The following IRAK2 variants were observed in gnomAD, a reference collection of about 807,000 sequenced individuals.
IRAK2 encodes interleukin 1 receptor associated kinase 2.
IRAK2 carries 57 observed loss-of-function variants against 72.0 expected under a neutral mutation model. The ratio of observed to expected loss-of-function variants is 0.79; its 90% confidence interval spans 0.64 to 0.99. The LOEUF is 0.99. Ranked by LOEUF, IRAK2 falls within the 50% of genes least tolerant of loss-of-function variation. The pLI is 0.00. For synonymous variants in IRAK2, 293 were observed against 312.7 expected (o/e 0.94, Z 0.67); for missense variants, 790 against 794.4 (o/e 0.99, Z 0.07).
chr3:10,238,743 C>T lies in IRAK2; in HGVS notation c.1474-5C>T. The T allele has an allele frequency of 3.7e-6, 6 of 1,613,370 alleles. No homozygotes were observed. The highest frequency in any genetic ancestry group is 4.2e-6 in the Non-Finnish European group (5 of 1,179,532). ...ATGAGCTCCCTTCTCTCTCTTCTCC[C>T]AAAGGTGTGTGGCTCTGTGGCTGCT... On this transcript the variant is annotated splice_polypyrimidine_tract_variant and splice_region_variant and intron_variant, in intron 11 of 12. Coordinates refer to ENST00000256458, the MANE Select transcript of IRAK2 (RefSeq NM_001570.4).
intron 9 of IRAK2, among the ~76,000 whole-genome samples, chr3:10,225,775 T>A (rs995276338): frequency 1.3e-5 from 2 of 151,600 alleles, no homozygotes; most frequent in African/African-American, 4.8e-5. Flanking sequence ...CTCAGTTCAC[T>A]GCAAGATCCA....
intron 1 of IRAK2, among the ~76,000 whole-genome samples, chr3:10,165,896 A>G (rs113108570): frequency 0.039 from 5,918 of 152,032 alleles, 400 homozygotes; most frequent in African/African-American, 0.13. Flanking sequence ...ACGCCCGGCT[A>G]ACTTTGTATT....
intron 11 of IRAK2, among the ~76,000 whole-genome samples, chr3:10,238,502 C>T (rs912340786): frequency 6.6e-6 from 1 of 152,112 alleles, no homozygotes; most frequent in African/African-American, 2.4e-5. Flanking sequence ...TAGACTAATC[C>T]CTATGGTCAG....
chr3:10,219,306 C>T (rs969553109), intron 7 of IRAK2, among the ~76,000 whole-genome samples: 1 of 144,296 alleles, frequency 6.9e-6, no homozygotes, highest in African/African-American at 2.7e-5. Context: ...ATCAGGACTT[C>T]GTTTTTTTGT....
intron 2 of IRAK2, 21 bp downstream of exon 2, chr3:10,178,041 CT>C: frequency 1.3e-6 from 2 of 1,581,334 alleles, no homozygotes; most frequent in South Asian, 2.3e-5. Flanking sequence ...CAGGGCCCTC[CT>C]TGAGTGGGGC....
intron 4 of IRAK2, among the ~76,000 whole-genome samples, chr3:10,212,833 C>T (rs1335602192): frequency 1.3e-4 from 19 of 146,002 alleles, no homozygotes; most frequent in Admixed American, 4.9e-4. Flanking sequence ...GGCGCGATCT[C>T]GGCTCACTGC....
At chr3:10,188,803 G>A (rs531625800) in intron 2 of IRAK2, among the ~76,000 whole-genome samples, 1 of 152,330 alleles carries the variant, frequency 6.6e-6, no homozygotes, top group South Asian at 2.1e-4. Context: ...TGGGATTACG[G>A]GTGTGAACCA....
At position 10,226,444 on chromosome 3, in the gene IRAK2, T is replaced by G; in HGVS notation, c.1272+11T>G. On this transcript the variant is annotated intron_variant, in intron 10 of 12. Transcript: ENST00000256458. ...AGCCCGGTTTACCTGGTAAGGGAAC[T>G]TGTCACATCTGGCTGGGAGGTATAT... 6.2e-7 allele frequency: 1 copy of G among 1,611,020 alleles called. No homozygotes were observed. Among genetic ancestry groups the G allele is most frequent in the Non-Finnish European group, 8.5e-7 (1 of 1,178,178 alleles).
rs200556383 is a variant in IRAK2 at position 10,213,217 on chromosome 3, C to T, written c.539C>T (p.Thr180Ile). 14 of 1,614,050 alleles carry T rather than the reference C, an allele frequency of 8.7e-6. No homozygotes were observed. The highest frequency in any genetic ancestry group is 1.7e-5 in the Admixed American group (1 of 60,010). Reference protein sequence around the residue: ...PTSSDSKDFSTSIPKQEKLLS... With the variant: ...PTSSDSKDFSISIPKQEKLLS... ...TCTCTGGGTCTCCAGGACTTCAGCACCTCCATTCCTAAGCAGGAAAAACTT... is the reference window on the plus strand; with the variant it reads ...TCTCTGGGTCTCCAGGACTTCAGCATCTCCATTCCTAAGCAGGAAAAACTT... Residue 180 changes from threonine (T) to isoleucine (I), a missense_variant, in exon 5 of 13, where the codon ACC (threonine) becomes ATC (isoleucine). Physicochemically the swap from Thr to Ile is moderately conservative, Grantham distance 89. Coordinates refer to ENST00000256458, the MANE Select transcript of IRAK2 (RefSeq NM_001570.4).
chr3:10,223,501 A>C (rs140682842), intron 9 of IRAK2, among the ~76,000 whole-genome samples: 92 of 152,358 alleles, frequency 6.0e-4, no homozygotes, highest in South Asian at 2.9e-3. Context: ...GACCTCTAGG[A>C]TTGATGTGTT....
intron 10 of IRAK2, among the ~76,000 whole-genome samples, chr3:10,233,789 T>G (rs1294533778): frequency 6.6e-6 from 1 of 152,228 alleles, no homozygotes; most frequent in African/African-American, 2.4e-5. Flanking sequence ...CCGTGTCAGA[T>G]GTCACTCTCT....
intron 2 of IRAK2, 34 bp downstream of exon 2, chr3:10,178,054 C>T: frequency 6.5e-7 from 1 of 1,529,920 alleles, no homozygotes; most frequent in Non-Finnish European, 8.9e-7. Context: ...GAGTGGGGCC[C>T]ATCACGCTCC....
At chr3:10,208,074 A>G (rs1244653197) in intron 3 of IRAK2, among the ~76,000 whole-genome samples, 4 of 151,522 alleles carry the variant, frequency 2.6e-5, no homozygotes, top group Admixed American at 1.3e-4. Flanking sequence ...CTGAAGACTA[A>G]TGAGGCCGTC....
intron 10 of IRAK2, among the ~76,000 whole-genome samples, chr3:10,233,644 A>C (rs116751469): frequency 0.032 from 4,868 of 152,220 alleles, 250 homozygotes; most frequent in African/African-American, 0.11. Flanking sequence ...CCTACATTTG[A>C]AATGTTTGTA....
rs147381359 is a variant in IRAK2 at position 10,213,274 on chromosome 3, G to A, written c.596G>A (p.Ser199Asn). The A allele has an allele frequency of 5.6e-6, 9 of 1,614,216 alleles. No individual in the cohort carries two copies. The African/African-American group carries it at 1.2e-4, about 22-fold the overall frequency. ...LSLAGDSLFWSEADVVQATDD... is the reference protein window; with the variant it reads ...LSLAGDSLFWNEADVVQATDD... ...TTGGCTGGAGACAGCCTTTTCTGGA[G>A]TGAGGCAGACGTGGTCCAGGCAACC... Residue 199 changes from serine to asparagine, a missense_variant, in exon 5 of 13, where the codon AGT (serine) becomes AAT (asparagine). Coordinates refer to ENST00000256458, the MANE Select transcript of IRAK2 (RefSeq NM_001570.4).
At chr3:10,210,140 C>T (rs1014613472) in intron 4 of IRAK2, among the ~76,000 whole-genome samples, 3 of 152,128 alleles carry the variant, frequency 2.0e-5, no homozygotes, top group African/African-American at 4.8e-5. Context: ...AGCTTGGTCT[C>T]GAACTCCTGA....
chr3:10,235,783 A>C (rs1210108364), intron 11 of IRAK2, among the ~76,000 whole-genome samples: 1 of 152,152 alleles, frequency 6.6e-6, no homozygotes, highest in African/African-American at 2.4e-5. Flanking sequence ...ACAGACGAGA[A>C]GATGAGGCCA....
chr3:10,229,407 G>A (rs957857444), intron 10 of IRAK2, among the ~76,000 whole-genome samples: 1 of 152,130 alleles, frequency 6.6e-6, no homozygotes, highest in African/African-American at 2.4e-5. Flanking sequence ...GAGCCATGGC[G>A]CCCAGCCTGT....
intron 8 of IRAK2, among the ~76,000 whole-genome samples, chr3:10,221,622 G>A (rs570522560): frequency 2.4e-4 from 37 of 151,786 alleles, no homozygotes; most frequent in Admixed American, 1.9e-3. Flanking sequence ...CGCAATCTCA[G>A]CTCACCGCAG....
Sources: allele counts gnomAD v4.1 joint callset (sites outside exome capture counted in the v4.1 genomes callset), GRCh38; gene constraint gnomAD v4.1.1; transcripts MANE v1.5; gene names NCBI Gene and HGNC (gene_info 2026-07-23, HGNC 2026-07-21).